Variants in NPAS3 observed in about 807,000 individuals in gnomAD.
NPAS3 encodes neuronal PAS domain-containing protein 3.
NPAS3 carries 14 observed loss-of-function variants against 73.1 expected under a neutral mutation model. That is an observed-to-expected ratio of 0.19 (90% CI 0.13 to 0.30). The LOEUF (loss-of-function observed/expected upper bound fraction) is 0.30. Ranked by LOEUF, NPAS3 falls within the 10% of genes least tolerant of loss-of-function variation. The probability of loss-of-function intolerance (pLI) is 1.00; values close to 1 mark genes in which losing one functional copy is unlikely to be tolerated. For missense variants in NPAS3, 1,096 were observed against 1,250.0 expected (o/e 0.88, Z 1.86); for synonymous variants, 620 against 541.5 (o/e 1.14, Z -2.01).
intron 6 of NPAS3, chr14:33,680,798 G>A: frequency 1.7e-6 from 1 of 590,996 alleles, no homozygotes; most frequent in Non-Finnish European, 3.0e-6. Context: ...GCATGAGGCA[G>A]TACTTTGGAT....
At chr14:33,622,469 A>G (rs138569212) in intron 5 of NPAS3, among the ~76,000 whole-genome samples, 1,984 of 152,334 alleles carry the variant, frequency 0.013, 44 homozygotes, top group African/African-American at 0.044. Flanking sequence ...AATAGAATCA[A>G]TTGATAATGA....
At chr14:33,236,569 G>A (rs2048041925) in intron 3 of NPAS3, among the ~76,000 whole-genome samples, 1 of 152,040 alleles carries the variant, frequency 6.6e-6, no homozygotes, top group Admixed American at 6.6e-5. Context: ...TGCAGTGTGA[G>A]TTGCTTATTA....
At chr14:33,573,517 T>G (rs1259045378) in intron 5 of NPAS3, among the ~76,000 whole-genome samples, 1 of 151,868 alleles carries the variant, frequency 6.6e-6, no homozygotes, top group African/African-American at 2.4e-5. Flanking sequence ...AAGAATTTAC[T>G]GAAGAAAAAG....
intron 4 of NPAS3, among the ~76,000 whole-genome samples, chr14:33,482,551 A>G (rs909632927): frequency 6.6e-6 from 1 of 152,124 alleles, no homozygotes; most frequent in Admixed American, 6.5e-5. Context: ...AGGGGAGTGG[A>G]TAATAGGGAA....
At chr14:33,055,133 C>T (rs1313974453) in intron 1 of NPAS3, among the ~76,000 whole-genome samples, 1 of 151,992 alleles carries the variant, frequency 6.6e-6, no homozygotes, top group East Asian at 1.9e-4. Context: ...ACTTTTTTCC[C>T]TGAATGAAGG....
chr14:33,166,755 G>A (rs1403007535), intron 2 of NPAS3, among the ~76,000 whole-genome samples: 6 of 152,076 alleles, frequency 3.9e-5, no homozygotes, highest in Admixed American at 2.0e-4. Context: ...GTACACATAC[G>A]ATTCTGCCTC....
At chr14:33,287,659 C>A (rs537909718) in intron 3 of NPAS3, among the ~76,000 whole-genome samples, 1 of 152,316 alleles carries the variant, frequency 6.6e-6, no homozygotes, top group South Asian at 2.1e-4. Flanking sequence ...CTACATCACG[C>A]TTTAAGTCCA....
chr14:33,318,831 C>T lies in NPAS3; in HGVS notation c.386-48355C>T, dbSNP rs1197519761. Reference sequence around the variant, plus strand: ...TTAAATCTTCCAAGACATTTTCTGACTATTCTAATTCCTACTACCTTCACT... The same window carrying T: ...TTAAATCTTCCAAGACATTTTCTGATTATTCTAATTCCTACTACCTTCACT... On this transcript the variant is annotated intron_variant, in intron 3 of 11. Transcript: ENST00000356141. Among the ~76,000 whole-genome samples the T allele has an allele frequency of 2.0e-5, 3 of 152,098 alleles. No individual in the cohort carries two copies. The East Asian group carries it at 5.8e-4, about 29-fold the overall frequency.
At chr14:33,364,029 A>G (rs568944591) in intron 3 of NPAS3, among the ~76,000 whole-genome samples, 1 of 152,226 alleles carries the variant, frequency 6.6e-6, no homozygotes, top group East Asian at 1.9e-4. Flanking sequence ...AAACAAATAA[A>G]TGAAATATGT....
chr14:33,541,179 T>A (rs945783829), intron 4 of NPAS3, among the ~76,000 whole-genome samples: 1 of 151,700 alleles, frequency 6.6e-6, no homozygotes, highest in African/African-American at 2.4e-5. Context: ...AATCAGCAGT[T>A]CTAAGTGCAG....
intron 4 of NPAS3, among the ~76,000 whole-genome samples, chr14:33,519,451 G>C (rs559864387): frequency 7.2e-5 from 11 of 152,096 alleles, no homozygotes; most frequent in Non-Finnish European, 1.5e-4. Flanking sequence ...AGTCTCGCCA[G>C]CTTCCCCTGA....
intron 6 of NPAS3, among the ~76,000 whole-genome samples, chr14:33,679,522 C>T (rs1426572822): frequency 6.6e-6 from 1 of 152,142 alleles, no homozygotes; most frequent in African/African-American, 2.4e-5. Flanking sequence ...TTCATTGCAT[C>T]ATAATCTCTT....
intron 5 of NPAS3, among the ~76,000 whole-genome samples, chr14:33,596,354 G>T (rs2057242403): frequency 6.6e-6 from 1 of 152,186 alleles, no homozygotes; most frequent in Non-Finnish European, 1.5e-5. Flanking sequence ...TTATGCTGTG[G>T]CTACCACATT....
intron 9 of NPAS3, among the ~76,000 whole-genome samples, chr14:33,784,660 T>A: frequency 6.6e-6 from 1 of 152,054 alleles, no homozygotes; most frequent in East Asian, 1.9e-4. Flanking sequence ...AATTCTCACA[T>A]GGATTCGCAA....
At chr14:32,971,277 G>T (rs1398412319) in intron 1 of NPAS3, among the ~76,000 whole-genome samples, 3 of 151,690 alleles carry the variant, frequency 2.0e-5, no homozygotes, top group Non-Finnish European at 2.9e-5. Context: ...TAGAGATGGG[G>T]TTTCACCATG....
chr14:33,399,344 G>A (rs1036507009), intron 4 of NPAS3, among the ~76,000 whole-genome samples: 9 of 152,006 alleles, frequency 5.9e-5, no homozygotes, highest in African/African-American at 2.2e-4. Context: ...TAAGGAACAT[G>A]GAGTGCTTGC....
At chr14:33,201,706 A>T (rs988998304) in intron 2 of NPAS3, among the ~76,000 whole-genome samples, 2 of 152,288 alleles carry the variant, frequency 1.3e-5, no homozygotes, top group Admixed American at 6.5e-5. Flanking sequence ...GTGTATTTCG[A>T]CCAATTATTC....
At chr14:33,143,695 C>G (rs1016933684) in intron 2 of NPAS3, among the ~76,000 whole-genome samples, 4 of 152,042 alleles carry the variant, frequency 2.6e-5, no homozygotes, top group African/African-American at 9.7e-5. Context: ...AAAATGAAAC[C>G]TCATACCCAT....
intron 5 of NPAS3, among the ~76,000 whole-genome samples, chr14:33,573,849 A>G (rs56806996): frequency 0.37 from 56,137 of 152,070 alleles, 10,952 homozygotes; most frequent in Middle Eastern, 0.48. Flanking sequence ...TAAATAGTCC[A>G]GAAAAGAGGT....
Sources: allele counts gnomAD v4.1 joint callset (sites outside exome capture counted in the v4.1 genomes callset), GRCh38; gene constraint gnomAD v4.1.1; transcripts MANE v1.5; gene names NCBI Gene and HGNC (gene_info 2026-07-23, HGNC 2026-07-21).